Variants in SEMA3A observed in about 807,000 individuals in gnomAD.
SEMA3A encodes the protein semaphorin 3A.
In SEMA3A, 29 loss-of-function variants were observed where a neutral mutation model predicts 97.9. The observed-to-expected ratio is 0.30, with a 90% confidence interval of 0.22 to 0.40. The LOEUF (loss-of-function observed/expected upper bound fraction) is 0.40. Ranked by LOEUF, SEMA3A falls within the 10% of genes least tolerant of loss-of-function variation. The probability of loss-of-function intolerance (pLI) is 1.00; values close to 1 mark genes in which losing one functional copy is unlikely to be tolerated. For missense variants in SEMA3A, 763 were observed against 951.3 expected, an observed-to-expected ratio of 0.80 and a Z score of 2.60; for synonymous variants, 321 against 323.7, an observed-to-expected ratio of 0.99 and a Z score of 0.09.
At chr7:84,189,502 T>C (rs1434705728) in intron 1 of SEMA3A, among the ~76,000 whole-genome samples, 1 of 151,790 alleles carries the variant, frequency 6.6e-6, no homozygotes, top group African/African-American at 2.4e-5. Flanking sequence ...CTTTTGGAGC[T>C]ATGATACAAA....
At chr7:84,143,860 C>T (rs534551101) in intron 1 of SEMA3A, among the ~76,000 whole-genome samples, 1 of 150,650 alleles carries the variant, frequency 6.6e-6, no homozygotes, top group East Asian at 1.9e-4. Context: ...AAGCCATGGT[C>T]ATCATCATTA....
At chr7:84,472,275 C>T (rs1012179906) in intron 1 of SEMA3A, among the ~76,000 whole-genome samples, 2 of 152,048 alleles carry the variant, frequency 1.3e-5, no homozygotes, top group Non-Finnish European at 2.9e-5. Flanking sequence ...CTCCCCCACT[C>T]GAACACATGC....
intron 1 of SEMA3A, among the ~76,000 whole-genome samples, chr7:84,417,358 T>G (rs189972979): frequency 1.1e-3 from 175 of 152,194 alleles, no homozygotes; most frequent in African/African-American, 3.8e-3. Context: ...TTAATTTGAT[T>G]GATGAATAGT....
rs566060673 is a variant in SEMA3A, at chr7:84,138,619, A to AT, written c.113-3669dup. Among the ~76,000 whole-genome samples the AT allele has an allele frequency of 1.1e-4, 17 of 152,180 alleles. No homozygotes were observed. In the East Asian group the frequency reaches 2.7e-3, roughly 24 times the overall value. ...TAAACTGTTACTTCTCAACAGTTTG[A>AT]TTTTTTAAAAAAGACAATACTTTCC... On this transcript the variant is annotated intron_variant, in intron 1 of 16. Coordinates refer to ENST00000265362, the MANE Select transcript of SEMA3A (RefSeq NM_006080.3).
chr7:84,445,516 A>AAAAAAAAAAAAAAG (rs1805391070), intron 1 of SEMA3A, among the ~76,000 whole-genome samples: 5 of 123,672 alleles, frequency 4.0e-5, no homozygotes, highest in Admixed American at 9.1e-5. Context: ...AAAAAAAAAA[A>AAAAAAAAAAAAAAG]AAAAGAAAAG....
chr7:84,289,753 T>C (rs573258577), intron 3 of SEMA3A, among the ~76,000 whole-genome samples: 1 of 152,286 alleles, frequency 6.6e-6, no homozygotes, highest in East Asian at 1.9e-4. Flanking sequence ...CCATGTGATC[T>C]AGCAATTCCA....
intron 2 of SEMA3A, 66 bp from the exon 3 acceptor site, chr7:84,129,251 G>A (rs887700978): frequency 3.9e-6 from 5 of 1,293,282 alleles, no homozygotes; most frequent in Non-Finnish European, 5.6e-6. Flanking sequence ...ACACCATATA[G>A]TCTTTTAGAT....
chr7:84,137,481 G>A (rs1796173448), intron 1 of SEMA3A, among the ~76,000 whole-genome samples: 1 of 151,178 alleles, frequency 6.6e-6, no homozygotes, highest in East Asian at 1.9e-4. Flanking sequence ...GCTACCCAGA[G>A]TCAATAAAAG....
intron 2 of SEMA3A, among the ~76,000 whole-genome samples, chr7:84,345,987 A>ATC (rs1173157757): frequency 2.0e-5 from 3 of 152,270 alleles, no homozygotes; most frequent in Non-Finnish European, 4.4e-5. Context: ...TGCATTGAAA[A>ATC]TCTGTTGTTT....
At chr7:84,305,017 T>A (rs891247118) in intron 3 of SEMA3A, among the ~76,000 whole-genome samples, 3 of 151,988 alleles carry the variant, frequency 2.0e-5, no homozygotes, top group Non-Finnish European at 4.4e-5. Context: ...TGGAGCCATG[T>A]TGAGGGAAGA....
intron 2 of SEMA3A, among the ~76,000 whole-genome samples, chr7:84,311,606 AG>A (rs770445536): frequency 2.0e-5 from 3 of 152,000 alleles, no homozygotes; most frequent in Non-Finnish European, 4.4e-5. Flanking sequence ...TATATACATT[AG>A]GCACCATAGA....
rs1022736928 is a variant in SEMA3A at position 83,992,324 on chromosome 7, T to A, written c.1453-6847A>T. On this transcript the variant is annotated intron_variant, in intron 12 of 16. Transcript: ENST00000265362. The stretch of plus-strand genomic sequence containing the variant: ...TTTTTGTGTCTCTATTTCCTTCAGT[T>A]CTGCTCTGATTTTAGTTATTTCTTG... Among the ~76,000 whole-genome samples the A allele has an allele frequency of 1.0e-3, 145 of 144,896 alleles. 5 individuals are homozygous for A. In the South Asian group the frequency reaches 0.031, roughly 31 times the overall value.
At chr7:84,203,502 G>GTGTA (rs1348437430) in intron 3 of SEMA3A, among the ~76,000 whole-genome samples, 12 of 57,018 alleles carry the variant, frequency 2.1e-4, no homozygotes, top group East Asian at 1.6e-3. Flanking sequence ...TTGTGTGTGT[G>GTGTA]TATATATATA....
At chr7:84,300,398 A>T (rs971907582) in intron 3 of SEMA3A, among the ~76,000 whole-genome samples, 2 of 152,252 alleles carry the variant, frequency 1.3e-5, no homozygotes, top group East Asian at 3.9e-4. Context: ...AGCAAATCCC[A>T]AAAGGCATAA....
chr7:84,313,404 AT>A (rs1294601183), intron 2 of SEMA3A, among the ~76,000 whole-genome samples: 3,107 of 121,610 alleles, frequency 0.026, 257 homozygotes, highest in African/African-American at 0.091. Context: ...ATATATATAT[AT>A]AAACTATACG....
chr7:84,436,166 A>G (rs1805123628), intron 1 of SEMA3A, among the ~76,000 whole-genome samples: 1 of 152,200 alleles, frequency 6.6e-6, no homozygotes, highest in Non-Finnish European at 1.5e-5. Context: ...TTTTTACCAT[A>G]TACAAATATT....
At chr7:84,180,785 T>C (rs186487299) in intron 1 of SEMA3A, among the ~76,000 whole-genome samples, 6 of 152,316 alleles carry the variant, frequency 3.9e-5, no homozygotes, top group Admixed American at 2.6e-4. Flanking sequence ...ATTGAAGGTC[T>C]GTCTGCACAA....
At chr7:84,434,859 G>A (rs1005197511) in intron 1 of SEMA3A, among the ~76,000 whole-genome samples, 1 of 152,098 alleles carries the variant, frequency 6.6e-6, no homozygotes, top group African/African-American at 2.4e-5. Context: ...AGGAATATAT[G>A]TCAAAATATT....
rs1382086764 is a variant in SEMA3A at position 84,218,772 on chromosome 7, T to C, written c.-82-24104A>G. ...TATAGCTTGTCCCTTTAATTTTTCC[T>C]AACTTAGAGGAGACGACTCTACTCT... On this transcript the variant is annotated intron_variant, in intron 3 of 3. Transcript: ENST00000424555. Among the ~76,000 whole-genome samples, 5 of 152,064 alleles carry C rather than the reference T, an allele frequency of 3.3e-5. No homozygotes were observed. In the South Asian group the frequency reaches 6.2e-4, roughly 19 times the overall value.
Sources: gnomAD v4.1 joint callset for allele counts (sites outside exome capture counted in the v4.1 genomes callset) on GRCh38, gnomAD v4.1.1 for gene constraint, MANE v1.5 for transcripts, NCBI Gene and HGNC (gene_info 2026-07-23, HGNC 2026-07-21) for gene names.